CEACAM5: variants seen among roughly 807,000 people sequenced by gnomAD.
CEACAM5 encodes the protein CEA cell adhesion molecule 5.
A neutral mutation model predicts 63.0 loss-of-function variants in CEACAM5; 52 were observed. The ratio of observed to expected loss-of-function variants is 0.83; its 90% CI spans 0.66 to 1.04. The LOEUF is 1.04. Ranked by LOEUF, CEACAM5 falls within the 50% of genes least tolerant of loss-of-function variation. The pLI is 0.00. For synonymous variants in CEACAM5, 357 were observed against 351.3 expected (o/e 1.02, Z -0.18); for missense variants, 790 against 864.8 (o/e 0.91, Z 1.08).
intron 4 of CEACAM5, 42 bp downstream of exon 4, chr19:41,715,946 G>A (rs2072520126): frequency 6.3e-7 from 1 of 1,593,556 alleles, no homozygotes; most frequent in Non-Finnish European, 8.6e-7. Flanking sequence ...TTTTGAGGTG[G>A]AGTCTGTCTG....
At position 41,722,121 on chromosome 19, in the gene CEACAM5, G is replaced by A. The variant is rs1200769159; in HGVS notation, c.2026+945G>A. ...TAAATATCAATCAAGTATATTGCCC[G>A]GTGTGGTGGCTCATCCCTGTAATCC... is the stretch of plus-strand genomic sequence containing the variant. On this transcript the variant is annotated intron_variant, in intron 8 of 9. Coordinates refer to ENST00000221992, the MANE Select transcript of CEACAM5 (RefSeq NM_004363.6). 3.3e-5 allele frequency among the ~76,000 whole-genome samples: 5 copies of A among 152,050 alleles called. No homozygotes were observed. The East Asian group carries it at 5.8e-4, about 18-fold the overall frequency.
intron 1 of CEACAM5, 31 bp from the exon 2 acceptor site, chr19:41,709,649 A>G (rs782524412): frequency 1.0e-5 from 16 of 1,598,600 alleles, no homozygotes; most frequent in South Asian, 9.1e-5. Context: ...ATAGGTCCCA[A>G]TATTGACCGA....
At chr19:41,710,721 C>T (rs1555813922) in intron 2 of CEACAM5, among the ~76,000 whole-genome samples, 2 of 152,150 alleles carry the variant, frequency 1.3e-5, no homozygotes, top group African/African-American at 4.8e-5. Flanking sequence ...TCAGTGTCCC[C>T]AGGAAGAGGA....
At chr19:41,716,432 C>T (rs782434129) in intron 4 of CEACAM5, among the ~76,000 whole-genome samples, 2 of 152,224 alleles carry the variant, frequency 1.3e-5, no homozygotes, top group Non-Finnish European at 2.9e-5. Flanking sequence ...TAGGTGGGAA[C>T]GAGGTGTGTG....
Position 41,708,728 on chromosome 19 carries a change from G to A in CEACAM5, c.-4G>A. 1 of 1,610,052 alleles carries A rather than the reference G, an allele frequency of 6.2e-7. No homozygotes were observed. The highest frequency in any genetic ancestry group is 2.2e-5 in the East Asian group (1 of 44,746). On this transcript the variant is annotated 5_prime_UTR_variant, in exon 1 of 10. Coordinates refer to ENST00000221992, the MANE Select transcript of CEACAM5 (RefSeq NM_004363.6). ...AGAGGAGGACAGAGCAGACAGCAGA[G>A]ACCATGGAGTCTCCCTCGGCCCCTC...
rs111739385 is a variant in CEACAM5 at position 41,715,848 on chromosome 19, C to G, written c.902C>G (p.Ala301Gly). The change falls in exon 4 of 10, where the codon GCC (alanine) becomes GGC (glycine). Residue 301 changes from alanine to glycine, a missense_variant. Ala to Gly is a moderately conservative substitution (Grantham distance 60, BLOSUM62 0). Coordinates refer to ENST00000221992, the MANE Select transcript of CEACAM5 (RefSeq NM_004363.6). ...AATAGTGGATCCTATACGTGCCAAG[C>G]CCATAACTCAGACACTGGCCTCAAT... ...VNNSGSYTCQ[A>G]HNSDTGLNRT... is the part of the protein sequence containing the mutation. 2 of 1,614,180 alleles carry G rather than the reference C, an allele frequency of 1.2e-6. No homozygotes were observed. Among genetic ancestry groups the G allele is most frequent in the Non-Finnish European group, 8.5e-7 (1 of 1,180,030 alleles).
chr19:41,722,279 G>A (rs1395765219), intron 8 of CEACAM5, among the ~76,000 whole-genome samples: 3 of 148,544 alleles, frequency 2.0e-5, no homozygotes, highest in Non-Finnish European at 3.0e-5. Flanking sequence ...CAGGAGAATC[G>A]CTCGAACCTG....
chr19:41,724,145 C>T (rs1222277053), intron 8 of CEACAM5, among the ~76,000 whole-genome samples: 1 of 152,040 alleles, frequency 6.6e-6, no homozygotes, highest in Non-Finnish European at 1.5e-5. Context: ...GGTTAATTTG[C>T]ATATATGGTA....
chr19:41,711,937 C>G (rs189572573), intron 2 of CEACAM5, among the ~76,000 whole-genome samples: 70 of 152,272 alleles, frequency 4.6e-4, no homozygotes, highest in Admixed American at 2.2e-3. Flanking sequence ...ACAGATGGAG[C>G]CCCTGCCAGG....
chr19:41,711,375 G>A (rs1225749596), intron 2 of CEACAM5, among the ~76,000 whole-genome samples: 1 of 152,190 alleles, frequency 6.6e-6, no homozygotes, highest in Non-Finnish European at 1.5e-5. Context: ...TGTGCCAACA[G>A]AGGCCCAAAG....
chr19:41,711,828 A>G (rs2072440386), intron 2 of CEACAM5, among the ~76,000 whole-genome samples: 1 of 151,976 alleles, frequency 6.6e-6, no homozygotes, highest in Non-Finnish European at 1.5e-5. Context: ...ACTCCCTTGA[A>G]CAAGGCTGGC....
intron 8 of CEACAM5, among the ~76,000 whole-genome samples, chr19:41,726,018 A>G (rs1202072373): frequency 6.6e-6 from 1 of 152,230 alleles, no homozygotes; most frequent in Non-Finnish European, 1.5e-5. Context: ...AATTGTAATA[A>G]TTCTCATCAC....
At chr19:41,711,397 C>A (rs2072433442) in intron 2 of CEACAM5, among the ~76,000 whole-genome samples, 1 of 152,214 alleles carries the variant, frequency 6.6e-6, no homozygotes, top group South Asian at 2.1e-4. Flanking sequence ...GAGACACACG[C>A]TTGCTCAGTA....
At position 41,708,701 on chromosome 19, in the gene CEACAM5, A is replaced by G. The variant is rs782487516; in HGVS notation, c.-31A>G. The G allele has an allele frequency of 1.4e-5, 22 of 1,595,844 alleles. No individual in the cohort carries two copies. Among genetic ancestry groups the G allele is most frequent in the Non-Finnish European group, 1.6e-5 (19 of 1,167,922 alleles). On this transcript the variant is annotated 5_prime_UTR_variant, in exon 1 of 10. Coordinates refer to ENST00000221992, the MANE Select transcript of CEACAM5 (RefSeq NM_004363.6). ...GTTCCTGGAACTCAAGCTCTTCTCC[A>G]CAGAGGAGGACAGAGCAGACAGCAG...
chr19:41,724,015 A>G (rs1190658891), intron 8 of CEACAM5, among the ~76,000 whole-genome samples: 2 of 149,792 alleles, frequency 1.3e-5, no homozygotes, highest in Non-Finnish European at 3.0e-5. Context: ...TTTGTTGCCT[A>G]TTTGTTGTTA....
intron 4 of CEACAM5, among the ~76,000 whole-genome samples, chr19:41,716,292 G>T (rs1425612784): frequency 6.6e-6 from 1 of 152,206 alleles, no homozygotes; most frequent in African/African-American, 2.4e-5. Flanking sequence ...AACATTCAAG[G>T]CTTTGAAACA....
chr19:41,713,327 G>T (rs975955229), intron 2 of CEACAM5, among the ~76,000 whole-genome samples: 14 of 151,962 alleles, frequency 9.2e-5, no homozygotes, highest in African/African-American at 3.4e-4. Context: ...AGAAAGAAAA[G>T]AAAAGAAAAA....
rs1555813800 is a variant in CEACAM5 at position 41,710,029 on chromosome 19, C to G, written c.414C>G (p.Phe138Leu). ...TGAATGAAGAAGCAACTGGCCAGTT[C>G]CGGGTATACCGTGAGTGATTCCCCC... ...DLVNEEATGQ[F>L]RVYPELPKPS... Residue 138 changes from phenylalanine to leucine, a missense_variant, in exon 2 of 10, where the codon TTC becomes TTG. By Grantham distance (22) the Phe-to-Leu change is conservative. Coordinates refer to ENST00000221992, the MANE Select transcript of CEACAM5 (RefSeq NM_004363.6). 6.3e-7 allele frequency: 1 copy of G among 1,598,448 alleles called. No individual in the cohort carries two copies. The highest frequency in any genetic ancestry group is 8.5e-7 in the Non-Finnish European group (1 of 1,171,858).
At chr19:41,723,778 T>C (rs1248038906) in intron 8 of CEACAM5, among the ~76,000 whole-genome samples, 1 of 151,858 alleles carries the variant, frequency 6.6e-6, no homozygotes. Context: ...AAACCCCGTC[T>C]CTACTAAAAA....
Sources: gnomAD v4.1 joint callset for allele counts (sites outside exome capture counted in the v4.1 genomes callset) on GRCh38, gnomAD v4.1.1 for gene constraint, MANE v1.5 for transcripts, NCBI Gene and HGNC (gene_info 2026-07-23, HGNC 2026-07-21) for gene names.